MAP3K20: variants seen among roughly 807,000 people sequenced by gnomAD.
MAP3K20 encodes HCCS-4.
MAP3K20 carries 40 observed loss-of-function variants against 85.7 expected under a neutral mutation model. That is an observed-to-expected ratio of 0.47 (90% CI 0.36 to 0.61). The LOEUF is 0.61. MAP3K20 is among the 20% of genes least tolerant of loss of function. The pLI, the probability that MAP3K20 is intolerant of heterozygous loss-of-function variation, is 0.00. For synonymous variants in MAP3K20, 325 were observed against 327.7 expected, an observed-to-expected ratio of 0.99 and a Z score of 0.09; for missense variants, 817 against 961.7, an observed-to-expected ratio of 0.85 and a Z score of 1.99.
In MAP3K20 at chr2:173,261,035, C is replaced by A. The variant is rs570970904; in HGVS notation, c.1477-28C>A. ...TAGTAGAGCAGACTGTGTTATGGTACTACACCATCCTAACTTTTGTTTTTC... is the reference window on the plus strand; with the variant it reads ...TAGTAGAGCAGACTGTGTTATGGTAATACACCATCCTAACTTTTGTTTTTC... On this transcript the variant is annotated intron_variant, in intron 17 of 19. Transcript: ENST00000375213. The A allele has an allele frequency of 4.4e-6, 7 of 1,608,322 alleles. No homozygotes were observed. The South Asian group carries it at 7.7e-5, about 18-fold the overall frequency.
chr2:173,218,225 A>G (rs183890567), intron 11 of MAP3K20, among the ~76,000 whole-genome samples: 4 of 152,350 alleles, frequency 2.6e-5, no homozygotes, highest in African/African-American at 9.6e-5. Context: ...GCCAGTGCCC[A>G]ATTGCAAAGT....
At chr2:173,263,087 C>A (rs966928365) in intron 18 of MAP3K20, among the ~76,000 whole-genome samples, 3 of 152,190 alleles carry the variant, frequency 2.0e-5, no homozygotes, top group Admixed American at 1.3e-4. Context: ...CCTGGAGACT[C>A]TTTAATTGAC....
At chr2:173,115,715 G>A (rs1378445155) in intron 2 of MAP3K20, among the ~76,000 whole-genome samples, 6 of 152,172 alleles carry the variant, frequency 3.9e-5, no homozygotes, top group African/African-American at 1.2e-4. Flanking sequence ...AAGTCTACCA[G>A]GCTCCAGGCT....
intron 17 of MAP3K20, among the ~76,000 whole-genome samples, chr2:173,260,617 A>C (rs1685269806): frequency 6.6e-6 from 1 of 152,232 alleles, no homozygotes. Context: ...TTTGCTGGAT[A>C]GTGTGATGTC....
chr2:173,134,428 A>ATATATATATATTTTTTT, intron 2 of MAP3K20, among the ~76,000 whole-genome samples: 1 of 3,156 alleles, frequency 3.2e-4, no homozygotes, highest in Non-Finnish European at 6.4e-4. Context: ...ATATATATAT[A>ATATATATATATTTTTTT]TTTTTTTTTT....
intron 2 of MAP3K20, among the ~76,000 whole-genome samples, chr2:173,159,318 C>G (rs55894868): frequency 0.29 from 43,993 of 151,530 alleles, 7,974 homozygotes; most frequent in Non-Finnish European, 0.41. Flanking sequence ...GTCACCCAAA[C>G]TGAGTACGGG....
intron 7 of MAP3K20, 48 bp from the exon 8 acceptor site, chr2:173,197,978 A>AAAAAT: frequency 1.3e-6 from 2 of 1,569,972 alleles, no homozygotes; most frequent in Non-Finnish European, 1.7e-6. Flanking sequence ...ATATGTACCA[A>AAAAAT]AAAATATAAA....
chr2:173,262,546 G>C (rs1464504750), intron 18 of MAP3K20, among the ~76,000 whole-genome samples: 1 of 151,956 alleles, frequency 6.6e-6, no homozygotes, highest in African/African-American at 2.4e-5. Flanking sequence ...GTTGTGGTGA[G>C]CTGAGATTGC....
At chr2:173,225,982 C>T (rs1439364844) in intron 11 of MAP3K20, 4 of 984,708 alleles carry the variant, frequency 4.1e-6, no homozygotes, top group South Asian at 4.7e-5. Context: ...CCTTTTTCTA[C>T]TCATTTTTGA....
intron 2 of MAP3K20, among the ~76,000 whole-genome samples, chr2:173,092,466 A>G (rs574991636): frequency 1.3e-5 from 2 of 152,260 alleles, no homozygotes; most frequent in East Asian, 3.9e-4. Context: ...TATTGTCCCC[A>G]TTTTATGGAT....
In MAP3K20 at chr2:173,119,409, T is replaced by C. The variant is rs888996211; in HGVS notation, c.159+28219T>C. On this transcript the variant is annotated intron_variant, in intron 2 of 19. Coordinates refer to ENST00000375213, the MANE Select transcript of MAP3K20 (RefSeq NM_016653.3). ...GAACCCACTTGAGGGTCAGTACCAC[T>C]GGGCTTTGTACATGCTGCTGGCCAT... 2.0e-5 allele frequency among the ~76,000 whole-genome samples: 3 copies of C among 152,210 alleles called. No homozygotes were observed. The East Asian group carries it at 5.8e-4, about 29-fold the overall frequency.
At chr2:173,219,555 A>G (rs575029188) in intron 11 of MAP3K20, among the ~76,000 whole-genome samples, 1 of 152,358 alleles carries the variant, frequency 6.6e-6, no homozygotes, top group Admixed American at 6.5e-5. Context: ...CTATCTAACA[A>G]TTGAAAACGA....
chr2:173,192,291 C>T (rs1308049225), intron 7 of MAP3K20, among the ~76,000 whole-genome samples: 2 of 152,018 alleles, frequency 1.3e-5, no homozygotes, highest in African/African-American at 2.4e-5. Flanking sequence ...TTTCTTTATT[C>T]GGTCTCTAGG....
At chr2:173,175,470 G>A (rs998244431) in intron 3 of MAP3K20, among the ~76,000 whole-genome samples, 1 of 152,156 alleles carries the variant, frequency 6.6e-6, no homozygotes, top group African/African-American at 2.4e-5. Flanking sequence ...TGATTGAAAC[G>A]TGAGGAACTT....
chr2:173,190,413 A>G (rs1362429790), intron 5 of MAP3K20, among the ~76,000 whole-genome samples: 4 of 152,246 alleles, frequency 2.6e-5, no homozygotes, highest in African/African-American at 7.2e-5. Context: ...AGCATTATAC[A>G]TGGCGTTACC....
At chr2:173,118,393 T>A (rs751696242) in intron 2 of MAP3K20, among the ~76,000 whole-genome samples, 15 of 152,206 alleles carry the variant, frequency 9.9e-5, no homozygotes, top group Non-Finnish European at 1.6e-4. Context: ...TTGTCTTTGT[T>A]ATAAGTTTGT....
chr2:173,232,667 C>A (rs1684550530), intron 14 of MAP3K20, among the ~76,000 whole-genome samples: 1 of 152,132 alleles, frequency 6.6e-6, no homozygotes, highest in Non-Finnish European at 1.5e-5. Context: ...CCACACCCAG[C>A]TAATTTTTGT....
At chr2:173,232,896 G>A (rs1462524698) in intron 14 of MAP3K20, among the ~76,000 whole-genome samples, 1 of 152,196 alleles carries the variant, frequency 6.6e-6, no homozygotes, top group Non-Finnish European at 1.5e-5. Flanking sequence ...TCATTACTGT[G>A]CTGAAATGCT....
At chr2:173,230,462 T>A (rs868095160) in intron 12 of MAP3K20, among the ~76,000 whole-genome samples, 1 of 152,144 alleles carries the variant, frequency 6.6e-6, no homozygotes, top group Non-Finnish European at 1.5e-5. Context: ...TGAGGCATCA[T>A]ATTTGCCAGC....
Sources: allele counts gnomAD v4.1 joint callset (sites outside exome capture counted in the v4.1 genomes callset), GRCh38; gene constraint gnomAD v4.1.1; transcripts MANE v1.5; gene names NCBI Gene and HGNC (gene_info 2026-07-23, HGNC 2026-07-21).